Variants in EXOC4 observed in about 807,000 individuals in gnomAD.
The protein encoded by EXOC4 is SEC8-like 1.
In EXOC4, 71 loss-of-function variants were observed where a neutral mutation model predicts 107.2. That is an observed-to-expected ratio of 0.66 (90% CI 0.55 to 0.81). The LOEUF is 0.81. EXOC4 is among the 30% of genes least tolerant of loss of function. The pLI, the probability that EXOC4 is intolerant of heterozygous loss-of-function variation, is 0.00. For missense variants in EXOC4, 1,108 were observed against 1,189.6 expected, an observed-to-expected ratio of 0.93 and a Z score of 1.01; for synonymous variants, 456 against 441.2, an observed-to-expected ratio of 1.03 and a Z score of -0.42.
At chr7:133,720,493 C>A (rs902562296) in intron 10 of EXOC4, among the ~76,000 whole-genome samples, 1 of 152,034 alleles carries the variant, frequency 6.6e-6, no homozygotes, top group African/African-American at 2.4e-5. Flanking sequence ...ACCATAGGAT[C>A]TTATTTTGGG....
At chr7:133,413,926 G>GAGA (rs1283078754) in intron 7 of EXOC4, among the ~76,000 whole-genome samples, 2 of 152,086 alleles carry the variant, frequency 1.3e-5, no homozygotes, top group Non-Finnish European at 2.9e-5. Flanking sequence ...CAGTGTAACA[G>GAGA]AGAAGACACT....
intron 14 of EXOC4, among the ~76,000 whole-genome samples, chr7:133,986,555 T>C (rs1794117859): frequency 6.6e-6 from 1 of 152,200 alleles, no homozygotes; most frequent in African/African-American, 2.4e-5. Flanking sequence ...AGAAAGGACA[T>C]CTCTATTCCA....
chr7:133,822,650 G>A (rs1011058595), intron 11 of EXOC4, among the ~76,000 whole-genome samples: 9 of 152,204 alleles, frequency 5.9e-5, no homozygotes, highest in African/African-American at 2.2e-4. Flanking sequence ...GCAAAAGCAA[G>A]TGTGGCCCAT....
chr7:133,683,413 G>A (rs1207043690), intron 10 of EXOC4, among the ~76,000 whole-genome samples: 1 of 152,058 alleles, frequency 6.6e-6, no homozygotes, highest in East Asian at 1.9e-4. Context: ...ATATCTTGGG[G>A]CTCAGAATCT....
intron 1 of EXOC4, among the ~76,000 whole-genome samples, chr7:133,269,660 A>C (rs958538725): frequency 2.6e-5 from 4 of 152,230 alleles, no homozygotes; most frequent in Non-Finnish European, 5.9e-5. Context: ...ACTTGTCAGC[A>C]CTTACTGTCA....
chr7:133,483,279 T>C (rs1424586), intron 9 of EXOC4, among the ~76,000 whole-genome samples: 72,720 of 151,990 alleles, frequency 0.48, 17,871 homozygotes, highest in East Asian at 0.61. Flanking sequence ...TTCAGCTTTA[T>C]AGTTTTCCAT....
chr7:133,810,644 TA>T (rs1334022462), intron 10 of EXOC4, among the ~76,000 whole-genome samples: 1 of 151,534 alleles, frequency 6.6e-6, no homozygotes, highest in Non-Finnish European at 1.5e-5. Context: ...TATTTTATTT[TA>T]TTTTTTAGAT....
chr7:133,633,059 T>C (rs761482822), intron 10 of EXOC4, among the ~76,000 whole-genome samples: 12 of 152,310 alleles, frequency 7.9e-5, no homozygotes, highest in Non-Finnish European at 1.2e-4. Context: ...TAGACTCTGA[T>C]TATGCCATGT....
At chr7:133,641,937 G>C (rs968168895) in intron 10 of EXOC4, among the ~76,000 whole-genome samples, 1 of 152,082 alleles carries the variant, frequency 6.6e-6, no homozygotes. Flanking sequence ...TTGATACGAG[G>C]ATTTCACTGA....
intron 7 of EXOC4, among the ~76,000 whole-genome samples, chr7:133,440,132 G>A (rs1798072325): frequency 6.6e-6 from 1 of 152,028 alleles, no homozygotes; most frequent in Non-Finnish European, 1.5e-5. Flanking sequence ...TCAAGGCCTT[G>A]CATAGGTAAC....
chr7:133,499,902 C>G (rs1799546184), intron 9 of EXOC4, among the ~76,000 whole-genome samples: 1 of 152,050 alleles, frequency 6.6e-6, no homozygotes, highest in Admixed American at 6.5e-5. Context: ...CCAGTTAAAC[C>G]TCTTTTCTTT....
rs565715978 is a variant in EXOC4, at chr7:133,731,752, A to G, written c.1515-85573A>G. Among the ~76,000 whole-genome samples the G allele has an allele frequency of 1.3e-5, 2 of 152,284 alleles. 1 individual carries two copies. The highest frequency in any genetic ancestry group is 3.9e-4 in the East Asian group (2 of 5,168). On this transcript the variant is annotated intron_variant, in intron 10 of 17. Coordinates refer to ENST00000253861, the MANE Select transcript of EXOC4 (RefSeq NM_021807.4). ...AGCTTGTTTTTTCAGCCTCATGTTC[A>G]TGTTGTGAGGACCAGAAATTTAATT...
intron 10 of EXOC4, among the ~76,000 whole-genome samples, chr7:133,739,266 A>T (rs1465778908): frequency 1.8e-5 from 2 of 113,632 alleles, no homozygotes; most frequent in Admixed American, 1.7e-4. Context: ...GTGTGTGTAT[A>T]AAAAGAGATT....
intron 9 of EXOC4, among the ~76,000 whole-genome samples, chr7:133,577,553 A>G (rs1436260739): frequency 6.6e-6 from 1 of 152,210 alleles, no homozygotes; most frequent in Non-Finnish European, 1.5e-5. Flanking sequence ...CAACAAGTTA[A>G]GTCAGAGTAT....
intron 14 of EXOC4, among the ~76,000 whole-genome samples, chr7:133,946,890 G>C (rs551296338): frequency 6.6e-6 from 1 of 152,126 alleles, no homozygotes; most frequent in East Asian, 1.9e-4. Context: ...CTGTCATTGA[G>C]TGTCCTCCCT....
chr7:133,813,722 T>C (rs1638895451), intron 10 of EXOC4, among the ~76,000 whole-genome samples: 1 of 152,222 alleles, frequency 6.6e-6, no homozygotes, highest in African/African-American at 2.4e-5. Flanking sequence ...TTTATTTTTC[T>C]TTCACATTGA....
rs373736136 is a variant in EXOC4 at position 133,790,618 on chromosome 7, G to A, written c.1515-26707G>A. 1.6e-4 allele frequency among the ~76,000 whole-genome samples: 24 copies of A among 152,330 alleles called. No homozygotes were observed. The East Asian group carries it at 4.2e-3, about 27-fold the overall frequency. ...TCATTTGAAATAATTAGGCAAATTC[G>A]TCATATAATTCATTTCCTGTTACTA... On this transcript the variant is annotated intron_variant, in intron 10 of 17. Transcript: ENST00000253861.
intron 13 of EXOC4, among the ~76,000 whole-genome samples, chr7:133,924,122 A>AC (rs1222032504): frequency 6.6e-6 from 1 of 152,144 alleles, no homozygotes; most frequent in Non-Finnish European, 1.5e-5. Flanking sequence ...TCACAGTATT[A>AC]CCATAATATT....
At chr7:133,946,541 T>G (rs1800554780) in intron 14 of EXOC4, among the ~76,000 whole-genome samples, 1 of 152,248 alleles carries the variant, frequency 6.6e-6, no homozygotes, top group South Asian at 2.1e-4. Flanking sequence ...TTGTTCATTT[T>G]CAGTCTTAAA....
Sources: allele counts gnomAD v4.1 joint callset (sites outside exome capture counted in the v4.1 genomes callset), GRCh38; gene constraint gnomAD v4.1.1; transcripts MANE v1.5; gene names NCBI Gene and HGNC (gene_info 2026-07-23, HGNC 2026-07-21).